Variants in ADD3 observed in about 807,000 individuals in gnomAD.
ADD3 encodes the protein adducin 3.
ADD3 carries 25 observed loss-of-function variants against 80.2 expected under a neutral mutation model. The ratio of observed to expected loss-of-function variants is 0.31; its 90% confidence interval spans 0.23 to 0.44. The LOEUF is 0.44. Ranked by LOEUF, ADD3 falls within the 20% of genes least tolerant of loss-of-function variation. The pLI is 1.00. For synonymous variants in ADD3, 284 were observed against 289.6 expected, an observed-to-expected ratio of 0.98 and a Z score of 0.20; for missense variants, 829 against 847.5, an observed-to-expected ratio of 0.98 and a Z score of 0.27.
chr10:110,031,161 C>T (rs1251270988), intron 1 of ADD3, among the ~76,000 whole-genome samples: 2 of 152,190 alleles, frequency 1.3e-5, no homozygotes, highest in Non-Finnish European at 2.9e-5. Context: ...GTAGTCCTAG[C>T]TACTCGGGAG....
In ADD3 at chr10:110,037,584, G is replaced by A. The variant is rs549982646; in HGVS notation, c.-30+29285G>A. Among the ~76,000 whole-genome samples the A allele has an allele frequency of 1.3e-4, 17 of 135,488 alleles. 1 individual carries two copies. The highest frequency in any genetic ancestry group is 4.7e-3 in the Middle Eastern group (1 of 212). The allele number at this position is 135,488 out of a possible 152,430, so 88.9% of individuals were successfully genotyped here. ...CTCGCCACTGCCCTCTAGCCTGGGC[G>A]ACAGGGCAAGACTCAGTCTCAAAAA... On this transcript the variant is annotated intron_variant, in intron 1 of 14. Transcript: ENST00000356080.
intron 1 of ADD3, among the ~76,000 whole-genome samples, chr10:110,082,168 G>A (rs1295004719): frequency 6.6e-6 from 1 of 152,086 alleles, no homozygotes; most frequent in African/African-American, 2.4e-5. Flanking sequence ...GTGAACAATA[G>A]GCTATTAACG....
At chr10:110,099,409 G>A (rs1445995667) in intron 1 of ADD3, among the ~76,000 whole-genome samples, 1 of 151,704 alleles carries the variant, frequency 6.6e-6, no homozygotes, top group East Asian at 1.9e-4. Context: ...TCTCCCTTCC[G>A]TTTCCTTCCT....
At position 110,115,634 on chromosome 10, in the gene ADD3, AGAT is replaced by A. The variant is rs1360349290; in HGVS notation, c.335-624_335-622del. Reference sequence around the variant, plus strand: ...GAAAAGCATGTAGACAAGGAATAAGAGATCTAGGATAGTATCACATGGGCCTCG... The same window carrying A: ...GAAAAGCATGTAGACAAGGAATAAGACTAGGATAGTATCACATGGGCCTCG... On this transcript the variant is annotated intron_variant, in intron 3 of 14. Transcript: ENST00000356080. Among the ~76,000 whole-genome samples, 6 of 152,350 alleles carry A rather than the reference AGAT, an allele frequency of 3.9e-5. No homozygotes were observed. In the East Asian group the frequency reaches 5.8e-4, roughly 15 times the overall value.
upstream of ADD3, among the ~76,000 whole-genome samples, chr10:110,007,249 T>C (rs1380868938): frequency 6.6e-6 from 1 of 152,082 alleles, no homozygotes; most frequent in African/African-American, 2.4e-5. Context: ...GTGAAGACTC[T>C]CGAGGGGTCC....
chr10:110,113,004 T>G (rs1422786186), intron 3 of ADD3, 89 bp downstream of exon 3: 3 of 1,409,298 alleles, frequency 2.1e-6, no homozygotes, highest in East Asian at 4.6e-5. Flanking sequence ...CTGCTCGGGT[T>G]CAGTCCTTAA....
chr10:110,040,710 T>C (rs541172578), intron 1 of ADD3, among the ~76,000 whole-genome samples: 1 of 152,130 alleles, frequency 6.6e-6, no homozygotes, highest in South Asian at 2.1e-4. Flanking sequence ...TGAGAGAAGG[T>C]TGAAGGTAAA....
rs768511868 is a variant in ADD3, at chr10:110,133,426, T to C, written c.1929T>C (p.Ala643=). 2.5e-6 allele frequency: 4 copies of C among 1,613,868 alleles called. No individual in the cohort carries two copies. The Admixed American group carries it at 6.7e-5, about 27-fold the overall frequency. The stretch of plus-strand genomic sequence containing the variant: ...TGCATGATGTTGAAGATGAGCTTGC[T>C]AAGCGAGTGAGTAGGTTAAGCACAA... The part of the protein sequence containing the change: ...DDMHDVEDEL[A]KRVSRLSTST... Residue 643 remains alanine (A), a synonymous_variant, in exon 15 of 15, where the codon GCT becomes GCC. Transcript: ENST00000356080.
At chr10:110,112,683 G>T in intron 2 of ADD3, 94 bp from the exon 3 acceptor site, 1 of 1,427,564 alleles carries the variant, frequency 7.0e-7, no homozygotes, top group Non-Finnish European at 9.5e-7. Flanking sequence ...AAGCTATTCA[G>T]AAAAGGGATG....
chr10:110,109,824 G>T (rs1204326614), intron 2 of ADD3, among the ~76,000 whole-genome samples: 6 of 152,066 alleles, frequency 3.9e-5, no homozygotes, highest in Non-Finnish European at 5.9e-5. Context: ...CTGTATGAAG[G>T]TGTCCATCTA....
intron 2 of ADD3, among the ~76,000 whole-genome samples, chr10:110,103,733 G>A (rs1471376495): frequency 6.6e-6 from 1 of 152,088 alleles, no homozygotes; most frequent in East Asian, 1.9e-4. Context: ...GGGTCTTACT[G>A]TGTTGCCCAG....
At chr10:110,082,546 T>C (rs1332202187) in intron 1 of ADD3, among the ~76,000 whole-genome samples, 5 of 152,210 alleles carry the variant, frequency 3.3e-5, no homozygotes, top group African/African-American at 1.2e-4. Context: ...TCCACAATTA[T>C]TAATAAACTG....
intron 1 of ADD3, among the ~76,000 whole-genome samples, chr10:110,034,092 G>A (rs7073105): frequency 0.93 from 142,182 of 152,210 alleles, 66,642 homozygotes; most frequent in East Asian, 1. Flanking sequence ...GTTCCATCCC[G>A]TGGAGCTCCT....
rs1007666865 is a variant in ADD3 at position 110,063,293 on chromosome 10, A to G, written c.-29-37332A>G. ...ACATTGTGATAATTTATGCTGCACT[A>G]TGTATTTAAATCCATTATATTGTTG... On this transcript the variant is annotated intron_variant, in intron 1 of 14. Coordinates refer to ENST00000356080, the MANE Select transcript of ADD3 (RefSeq NM_016824.5). 5.3e-5 allele frequency among the ~76,000 whole-genome samples: 8 copies of G among 152,286 alleles called. No homozygotes were observed. The East Asian group carries it at 1.2e-3, about 22-fold the overall frequency.
intron 4 of ADD3, among the ~76,000 whole-genome samples, chr10:110,116,804 C>A (rs925547105): frequency 6.6e-6 from 1 of 152,154 alleles, no homozygotes; most frequent in African/African-American, 2.4e-5. Context: ...TATATTCTTT[C>A]CATTCACCAT....
intron 1 of ADD3, among the ~76,000 whole-genome samples, chr10:110,044,382 A>G (rs1192691088): frequency 6.6e-6 from 1 of 152,198 alleles, no homozygotes; most frequent in Non-Finnish European, 1.5e-5. Context: ...ATATATTTTT[A>G]TCTTTGTGTT....
intron 1 of ADD3, among the ~76,000 whole-genome samples, chr10:110,018,678 A>G (rs1853291490): frequency 6.6e-6 from 1 of 152,160 alleles, no homozygotes; most frequent in Admixed American, 6.5e-5. Context: ...GTCCGTGAAA[A>G]TGATTCTTTT....
intron 1 of ADD3, among the ~76,000 whole-genome samples, chr10:110,021,542 G>T (rs1314873191): frequency 1.3e-5 from 2 of 152,174 alleles, no homozygotes; most frequent in Non-Finnish European, 2.9e-5. Context: ...AAAAAGGAAT[G>T]AATTACTGAT....
chr10:110,032,202 G>C (rs554084716), intron 1 of ADD3, among the ~76,000 whole-genome samples: 2 of 152,318 alleles, frequency 1.3e-5, no homozygotes, highest in East Asian at 3.9e-4. Flanking sequence ...TATTAAGCTG[G>C]ATAAGTGTTA....
Sources: gnomAD v4.1 joint callset for allele counts (sites outside exome capture counted in the v4.1 genomes callset) on GRCh38, gnomAD v4.1.1 for gene constraint, MANE v1.5 for transcripts, NCBI Gene and HGNC (gene_info 2026-07-23, HGNC 2026-07-21) for gene names.